Variants in JARID2 observed in about 807,000 individuals in gnomAD.
The protein encoded by JARID2 is protein Jumonji.
A neutral mutation model predicts 125.6 loss-of-function variants in JARID2; 21 were observed. That is an observed-to-expected ratio of 0.17 (90% CI 0.12 to 0.24). The LOEUF (loss-of-function observed/expected upper bound fraction) is 0.24. Among genes scored for constraint, JARID2 ranks in the 10% least tolerant of loss-of-function variants. JARID2 has a pLI of 1.00. For missense variants in JARID2, 1,303 were observed against 1,639.6 expected (o/e 0.79, Z 3.55); for synonymous variants, 736 against 661.6 (o/e 1.11, Z -1.73).
At chr6:15,293,386 G>C (rs1337267226) in intron 1 of JARID2, among the ~76,000 whole-genome samples, 3 of 152,196 alleles carry the variant, frequency 2.0e-5, no homozygotes, top group African/African-American at 4.8e-5. Flanking sequence ...CTGCCCTCCA[G>C]CCTGGGTGAT....
chr6:15,301,333 T>C (rs1761616866), intron 1 of JARID2, among the ~76,000 whole-genome samples: 1 of 152,252 alleles, frequency 6.6e-6, no homozygotes, highest in Non-Finnish European at 1.5e-5. Flanking sequence ...ATTAATCATG[T>C]GGATTTCACT....
At chr6:15,375,798 A>C (rs1764331000) in intron 2 of JARID2, among the ~76,000 whole-genome samples, 2 of 152,188 alleles carry the variant, frequency 1.3e-5, no homozygotes, top group African/African-American at 4.8e-5. Flanking sequence ...TGACTGCTGT[A>C]CTGTTAGATT....
chr6:15,374,697 A>G (rs1409960567), intron 2 of JARID2, among the ~76,000 whole-genome samples: 1 of 152,184 alleles, frequency 6.6e-6, no homozygotes, highest in Non-Finnish European at 1.5e-5. Context: ...AGGTTCCTGC[A>G]GTGGGACAGC....
chr6:15,279,854 C>G (rs911232902), intron 1 of JARID2, among the ~76,000 whole-genome samples: 1 of 152,198 alleles, frequency 6.6e-6, no homozygotes, highest in Non-Finnish European at 1.5e-5. Flanking sequence ...AAATCAGTCT[C>G]CTGGCACTTA....
At chr6:15,408,084 C>T (rs1359578767) in intron 2 of JARID2, among the ~76,000 whole-genome samples, 2 of 152,054 alleles carry the variant, frequency 1.3e-5, no homozygotes, top group South Asian at 2.1e-4. Flanking sequence ...GGCAACATGG[C>T]GAAACCCCAT....
chr6:15,424,981 G>T (rs1284290282), intron 3 of JARID2, among the ~76,000 whole-genome samples: 1 of 152,142 alleles, frequency 6.6e-6, no homozygotes, highest in Non-Finnish European at 1.5e-5. Flanking sequence ...TATTCTCATA[G>T]CAAAATCATT....
At chr6:15,311,886 G>A (rs1474547671) in intron 1 of JARID2, among the ~76,000 whole-genome samples, 1 of 152,014 alleles carries the variant, frequency 6.6e-6, no homozygotes, top group Non-Finnish European at 1.5e-5. Context: ...TCCACATTTG[G>A]ACCAGGTCCC....
At chr6:15,480,298 A>G (rs556759887) in intron 5 of JARID2, among the ~76,000 whole-genome samples, 3 of 152,148 alleles carry the variant, frequency 2.0e-5, no homozygotes, top group Admixed American at 2.0e-4. Flanking sequence ...GACTTTCTGT[A>G]ATGGTCCTTG....
intron 1 of JARID2, among the ~76,000 whole-genome samples, chr6:15,309,509 A>G (rs1233994277): frequency 6.6e-6 from 1 of 152,168 alleles, no homozygotes; most frequent in African/African-American, 2.4e-5. Context: ...TGTTCCGTGC[A>G]GTCATTAAAA....
At chr6:15,503,533 C>T (rs1247589456) in intron 8 of JARID2, among the ~76,000 whole-genome samples, 1 of 152,110 alleles carries the variant, frequency 6.6e-6, no homozygotes, top group Non-Finnish European at 1.5e-5. Flanking sequence ...CCCTGACCAC[C>T]CTCCCCCACT....
chr6:15,268,655 C>CT (rs904505520), intron 1 of JARID2, among the ~76,000 whole-genome samples: 1 of 152,178 alleles, frequency 6.6e-6, no homozygotes, highest in Non-Finnish European at 1.5e-5. Context: ...TTTTGCAGCT[C>CT]TTTCACATGC....
intron 1 of JARID2, among the ~76,000 whole-genome samples, chr6:15,271,516 A>G (rs552313374): frequency 1.3e-5 from 2 of 152,266 alleles, no homozygotes; most frequent in South Asian, 2.1e-4. Flanking sequence ...AACTATTGTT[A>G]TAGAAGATCC....
At chr6:15,354,893 T>G (rs1763546250) in intron 1 of JARID2, among the ~76,000 whole-genome samples, 1 of 152,172 alleles carries the variant, frequency 6.6e-6, no homozygotes, top group South Asian at 2.1e-4. Context: ...AGGTGATATT[T>G]GAGAACTGAA....
At chr6:15,354,040 C>T (rs1256906728) in intron 1 of JARID2, among the ~76,000 whole-genome samples, 1 of 152,322 alleles carries the variant, frequency 6.6e-6, no homozygotes, top group Non-Finnish European at 1.5e-5. Flanking sequence ...TCAATGGCAG[C>T]AAGTTCAGTC....
rs189983777 is a variant in JARID2 at position 15,450,591 on chromosome 6, T to G, written c.324-1415T>G. ...ACTGTGTGGCTGTTTCTTGGTTCTT[T>G]TTGTTGTTGTTTTCCTGCCCTCAAA... On this transcript the variant is annotated intron_variant, in intron 3 of 17. Transcript: ENST00000341776. Among the ~76,000 whole-genome samples, 370 of 152,300 alleles carry G rather than the reference T, an allele frequency of 2.4e-3. 1 individual carries two copies. The highest frequency in any genetic ancestry group is 8.1e-3 in the African/African-American group (335 of 41,566).
chr6:15,458,242 C>A (rs1237852034), intron 4 of JARID2, among the ~76,000 whole-genome samples: 1 of 152,326 alleles, frequency 6.6e-6, no homozygotes, highest in African/African-American at 2.4e-5. Context: ...TAGCAGAGCA[C>A]TGGCAGGTTA....
chr6:15,260,968 G>GA (rs1266319050), intron 1 of JARID2, among the ~76,000 whole-genome samples: 1 of 152,134 alleles, frequency 6.6e-6, no homozygotes, highest in East Asian at 1.9e-4. Context: ...GAGACTTGCT[G>GA]AAATTGTCAT....
chr6:15,376,648 C>T (rs560441048), intron 2 of JARID2, among the ~76,000 whole-genome samples: 2 of 152,242 alleles, frequency 1.3e-5, no homozygotes, highest in South Asian at 4.1e-4. Context: ...CACTTGAACC[C>T]AGGAGGTCAA....
intron 1 of JARID2, among the ~76,000 whole-genome samples, chr6:15,346,830 G>C (rs1047157446): frequency 2.6e-5 from 4 of 151,734 alleles, no homozygotes; most frequent in African/African-American, 9.7e-5. Context: ...CCACCTCCTG[G>C]GTTCAAGCAG....
Sources: allele counts gnomAD v4.1 joint callset (sites outside exome capture counted in the v4.1 genomes callset), GRCh38; gene constraint gnomAD v4.1.1; transcripts MANE v1.5; gene names NCBI Gene and HGNC (gene_info 2026-07-23, HGNC 2026-07-21).